Variants in MTMR12 observed in about 807,000 individuals in gnomAD.
MTMR12 encodes myotubularin-related protein 12.
A neutral mutation model predicts 96.7 loss-of-function variants in MTMR12; 33 were observed. That is an observed-to-expected ratio of 0.34 (90% CI 0.26 to 0.46). The LOEUF (loss-of-function observed/expected upper bound fraction) is 0.46. MTMR12 is among the 20% of genes least tolerant of loss of function. The pLI is 1.00. For synonymous variants in MTMR12, 298 were observed against 327.2 expected (o/e 0.91, Z 0.96); for missense variants, 721 against 896.1 (o/e 0.80, Z 2.49).
rs140525571 is a variant in MTMR12 at position 32,267,900 on chromosome 5, C to T, written c.583+801G>A. On this transcript the variant is annotated intron_variant, in intron 6 of 15. Coordinates refer to ENST00000382142, the MANE Select transcript of MTMR12 (RefSeq NM_001040446.3). ...CCAGGCCGGAGTGCAGTGGTGCGAT[C>T]TCGGCTCACTGCAACCTCCATCTCC... Among the ~76,000 whole-genome samples the T allele has an allele frequency of 7.7e-3, 1,168 of 152,164 alleles. 11 individuals carry two copies. Among genetic ancestry groups the T allele is most frequent in the African/African-American group, 0.027 (1,104 of 41,518 alleles).
intron 1 of MTMR12, among the ~76,000 whole-genome samples, chr5:32,281,881 C>A (rs1333822385): frequency 2.1e-5 from 3 of 145,142 alleles, no homozygotes; most frequent in Non-Finnish European, 4.5e-5. Context: ...GCCTGGGAGA[C>A]AGTGCGAGAC....
chr5:32,285,960 G>A (rs1750525563), intron 1 of MTMR12, among the ~76,000 whole-genome samples: 1 of 152,160 alleles, frequency 6.6e-6, no homozygotes, highest in Non-Finnish European at 1.5e-5. Flanking sequence ...GTTACTCAGA[G>A]TTGCAAAATG....
intron 12 of MTMR12, among the ~76,000 whole-genome samples, chr5:32,241,032 A>C (rs533947430): frequency 6.6e-6 from 1 of 152,094 alleles, no homozygotes; most frequent in African/African-American, 2.4e-5. Context: ...CCAGGAGTGA[A>C]GGATTTCTCA....
Position 32,230,006 on chromosome 5 carries a change from C to G in MTMR12, c.2016G>C (p.Gln672His). The change falls in exon 16 of 16, where the codon CAG becomes CAC. Residue 672 changes from glutamine (Q) to histidine (H), a missense_variant. By Grantham distance (24) the Gln-to-His change is conservative. Coordinates refer to ENST00000382142, the MANE Select transcript of MTMR12 (RefSeq NM_001040446.3). ...TCTCGTCGATCTTCTCTTGTAAACT[C>G]TGGACTTCCTCCATCATTTCCAAGA... is the stretch of plus-strand genomic sequence containing the variant. Reference protein sequence around the residue: ...SKLLEMMEEVQSLQEKIDERH... With the variant: ...SKLLEMMEEVHSLQEKIDERH... 1 of 1,613,558 alleles carries G rather than the reference C, an allele frequency of 6.2e-7. No homozygotes were observed. The highest frequency in any genetic ancestry group is 8.5e-7 in the Non-Finnish European group (1 of 1,179,526).
chr5:32,296,968 T>C (rs1366904815), intron 1 of MTMR12, among the ~76,000 whole-genome samples: 2 of 151,860 alleles, frequency 1.3e-5, no homozygotes, highest in African/African-American at 4.8e-5. Flanking sequence ...CTGGGCGTGA[T>C]GGCGGGCGCC....
chr5:32,306,759 G>A (rs1207749013), intron 1 of MTMR12, among the ~76,000 whole-genome samples: 2 of 152,154 alleles, frequency 1.3e-5, no homozygotes, highest in Admixed American at 6.5e-5. Context: ...GCCTCAGTTT[G>A]CACATCTGTA....
intron 6 of MTMR12, 112 bp from the exon 7 acceptor site, chr5:32,263,354 T>TCCA: frequency 1.5e-6 from 2 of 1,301,550 alleles, no homozygotes; most frequent in Non-Finnish European, 2.1e-6. Context: ...CCCATTTTTA[T>TCCA]CCAAGCAGAA....
At chr5:32,294,207 T>C (rs1417326499) in intron 1 of MTMR12, among the ~76,000 whole-genome samples, 1 of 152,236 alleles carries the variant, frequency 6.6e-6, no homozygotes, top group Non-Finnish European at 1.5e-5. Flanking sequence ...TGAGGCTTTC[T>C]GTGGTCAAAA....
Position 32,233,692 on chromosome 5 carries a change from A to T in MTMR12, c.1674+81T>A. The T allele has an allele frequency of 6.3e-7, 1 of 1,581,750 alleles. No individual in the cohort carries two copies. Among genetic ancestry groups the T allele is most frequent in the Non-Finnish European group, 8.6e-7 (1 of 1,156,914 alleles). On this transcript the variant is annotated intron_variant, in intron 15 of 15. Coordinates refer to ENST00000382142, the MANE Select transcript of MTMR12 (RefSeq NM_001040446.3). The surrounding 1 kb of genome is among the most constrained non-coding windows in gnomAD (Gnocchi z 5.0). ...TTCGAGGGGTAGAAAATGCTGGCAG[A>T]CAGAATCCGTAAGTACCTTTTATCA...
rs1478742231 is a variant in MTMR12, at chr5:32,228,516, A to AATATATATCATATATATTAT, written c.*1261_*1262insATAATATATATGATATATAT. ...AAGTATACTTTCCTGCATTAAAAAA[A>AATATATATCATATATATTAT]ATATATATCATATATATGATATATA... On this transcript the variant is annotated 3_prime_UTR_variant, in exon 16 of 16. Coordinates refer to ENST00000382142, the MANE Select transcript of MTMR12 (RefSeq NM_001040446.3). 9.2e-6 allele frequency: 1 copy of AATATATATCATATATATTAT among 108,220 alleles called. No individual in the cohort carries two copies. Among genetic ancestry groups the AATATATATCATATATATTAT allele is most frequent in the Non-Finnish European group, 2.0e-5 (1 of 49,844 alleles). The allele number at this position is 108,220 out of a possible 1,614,324, so 6.7% of individuals were successfully genotyped here.
chr5:32,273,743 T>G (rs1749936160), intron 3 of MTMR12, among the ~76,000 whole-genome samples: 2 of 150,558 alleles, frequency 1.3e-5, no homozygotes, highest in African/African-American at 4.9e-5. Flanking sequence ...GTGGGGAGGG[T>G]GGGGATGATG....
chr5:32,294,822 C>T (rs1004959289), intron 1 of MTMR12, among the ~76,000 whole-genome samples: 2 of 152,190 alleles, frequency 1.3e-5, no homozygotes, highest in African/African-American at 4.8e-5. Flanking sequence ...GGATAATATT[C>T]TTCAATCCTA....
chr5:32,262,112 T>A (rs1323522240), intron 7 of MTMR12, among the ~76,000 whole-genome samples: 1 of 151,988 alleles, frequency 6.6e-6, no homozygotes, highest in Non-Finnish European at 1.5e-5. Flanking sequence ...AAGCTAGTAT[T>A]GATGTGGAGG....
At chr5:32,253,135 TA>T (rs1561760018) in intron 8 of MTMR12, among the ~76,000 whole-genome samples, 3 of 152,228 alleles carry the variant, frequency 2.0e-5, no homozygotes, top group Admixed American at 1.3e-4. Flanking sequence ...ACTCACGGGA[TA>T]GGGGTGCTAC....
intron 1 of MTMR12, among the ~76,000 whole-genome samples, chr5:32,277,960 C>T (rs181778015): frequency 6.6e-6 from 1 of 152,330 alleles, no homozygotes; most frequent in African/African-American, 2.4e-5. Flanking sequence ...AACCACAAGA[C>T]AGTGCCAAGG....
At position 32,229,320 on chromosome 5, in the gene MTMR12, A is replaced by G. The variant is rs114028308; in HGVS notation, c.*458T>C. 2,082 of 153,640 alleles carry G rather than the reference A, an allele frequency of 0.014. 55 individuals are homozygous for G. Among genetic ancestry groups the G allele is most frequent in the African/African-American group, 0.048 (1,985 of 41,580 alleles). 9.5% of individuals were successfully genotyped at this position (153,640 alleles called of 1,614,324 possible). A position where few individuals can be genotyped will look rare whatever the true frequency, so the allele number is the denominator to read the frequency against. ...CTTAATACCTCTATCTGAATCTTCA[A>G]CTCCCCATACAAATACATAAAGCTG... On this transcript the variant is annotated 3_prime_UTR_variant, in exon 16 of 16. Transcript: ENST00000382142.
chr5:32,293,769 A>T (rs1390332678), intron 1 of MTMR12, among the ~76,000 whole-genome samples: 1 of 152,154 alleles, frequency 6.6e-6, no homozygotes. Flanking sequence ...TTCACTCCAG[A>T]TCTGCCTTCA....
intron 1 of MTMR12, among the ~76,000 whole-genome samples, chr5:32,301,896 A>G (rs1010490770): frequency 6.6e-6 from 1 of 152,148 alleles, no homozygotes; most frequent in Non-Finnish European, 1.5e-5. Flanking sequence ...TAATAAAAAT[A>G]AAAATAAACA....
In MTMR12 at chr5:32,229,885, G is replaced by T. The variant is rs1026921231; in HGVS notation, c.2137C>A (p.Arg713=). Residue 713 remains arginine (R), a synonymous_variant, in exon 16 of 16, where the codon CGA becomes AGA. Transcript: ENST00000382142. ...GGTAAGACGGGCTTAGAGGAATGTC[G>T]CTGGAGCAGAGCGAAAGGAAACAAA... ...SSLFPFALLQ[R]HSSKPVLPTS... 1 of 1,612,632 alleles carries T rather than the reference G, an allele frequency of 6.2e-7. No individual in the cohort carries two copies. The highest frequency in any genetic ancestry group is 8.5e-7 in the Non-Finnish European group (1 of 1,179,206).
Sources: allele counts gnomAD v4.1 joint callset (sites outside exome capture counted in the v4.1 genomes callset), GRCh38; gene constraint gnomAD v4.1.1; non-coding constraint Gnocchi (gnomAD v3.1); transcripts MANE v1.5; gene names NCBI Gene and HGNC (gene_info 2026-07-23, HGNC 2026-07-21).